GRM7: variants seen among roughly 807,000 people sequenced by gnomAD.
The protein encoded by GRM7 is metabotropic glutamate receptor 7.
In GRM7, 35 loss-of-function variants were observed where a neutral mutation model predicts 84.5. That is an observed-to-expected ratio of 0.41 (90% CI 0.32 to 0.55). The LOEUF is 0.55. GRM7 is among the 20% of genes least tolerant of loss of function. The pLI, the probability that GRM7 is intolerant of heterozygous loss-of-function variation, is 0.19. For synonymous variants in GRM7, 487 were observed against 455.1 expected, an observed-to-expected ratio of 1.07 and a Z score of -0.89; for missense variants, 1,003 against 1,194.6, an observed-to-expected ratio of 0.84 and a Z score of 2.36.
intron 1 of GRM7, among the ~76,000 whole-genome samples, chr3:7,058,570 T>C (rs933281278): frequency 6.6e-6 from 1 of 151,928 alleles, no homozygotes; most frequent in Non-Finnish European, 1.5e-5. Flanking sequence ...TATCATTGTG[T>C]TTTATTTATA....
intron 1 of GRM7, among the ~76,000 whole-genome samples, chr3:6,962,887 A>G (rs375151168): frequency 6.6e-6 from 1 of 152,244 alleles, no homozygotes; most frequent in East Asian, 1.9e-4. Flanking sequence ...TGCTGTAATC[A>G]TGTTACATTT....
rs33945077 is a variant in GRM7, at chr3:6,901,604, T to TAAAAAAAAAAA, written c.519+39720_519+39730dup. On this transcript the variant is annotated intron_variant, in intron 1 of 9. Transcript: ENST00000357716. ...CCTGGTGACAGAGCAAGACTCCGTC[T>TAAAAAAAAAAA]AAAAAAAAAAAAAAAAAAAAAAAAA... Among the ~76,000 whole-genome samples, 82 of 40,496 alleles carry TAAAAAAAAAAA rather than the reference T, an allele frequency of 2.0e-3. 7 individuals carry two copies. The highest frequency in any genetic ancestry group is 2.8e-3 in the South Asian group (2 of 702). The allele number at this position is 40,496 out of a possible 152,430, so 26.6% of individuals were successfully genotyped here.
rs1559334055 is a variant in GRM7 at position 6,928,404 on chromosome 3, G to A, written c.519+66497G>A. On this transcript the variant is annotated intron_variant, in intron 1 of 9. Coordinates refer to ENST00000357716, the MANE Select transcript of GRM7 (RefSeq NM_000844.4). This position sits in a 1 kb window ranked among gnomAD's most constrained non-coding sequence, Gnocchi z 4.5. ...ACACAGTGAATTTGCATTGATATTC[G>A]ATATAGGCATCATGGCATATGAGGA... Among the ~76,000 whole-genome samples the A allele has an allele frequency of 1.3e-5, 2 of 152,078 alleles. No individual in the cohort carries two copies. The highest frequency in any genetic ancestry group is 4.1e-4 in the South Asian group (2 of 4,828).
intron 2 of GRM7, among the ~76,000 whole-genome samples, chr3:7,198,347 T>G (rs1695950785): frequency 6.6e-6 from 1 of 152,112 alleles, no homozygotes; most frequent in South Asian, 2.1e-4. Context: ...TAATTTATAG[T>G]GATAGAATTC....
chr3:7,331,988 T>C (rs552896933), intron 4 of GRM7, among the ~76,000 whole-genome samples: 80 of 152,286 alleles, frequency 5.3e-4, no homozygotes, highest in Admixed American at 4.4e-3. Context: ...TGACTCAGAC[T>C]GTGATAGGAT....
In GRM7 at chr3:7,093,545, C is replaced by T. The variant is rs990899953; in HGVS notation, c.520-52907C>T. The stretch of plus-strand genomic sequence containing the variant: ...TACAAAAATTAGCTGGGCATGGTGA[C>T]GCATGCCTGTAATCCCACCTACTCG... On this transcript the variant is annotated intron_variant, in intron 1 of 9. Coordinates refer to ENST00000357716, the MANE Select transcript of GRM7 (RefSeq NM_000844.4). Among the ~76,000 whole-genome samples the T allele has an allele frequency of 7.9e-5, 12 of 151,014 alleles. 1 individual carries two copies. Among genetic ancestry groups the T allele is most frequent in the East Asian group, 3.9e-4 (2 of 5,120 alleles).
At chr3:7,667,535 T>G (rs1396033843) in intron 8 of GRM7, among the ~76,000 whole-genome samples, 1 of 152,168 alleles carries the variant, frequency 6.6e-6, no homozygotes, top group Non-Finnish European at 1.5e-5. Flanking sequence ...AAAAAATTCA[T>G]CCATCAATTT....
At chr3:6,935,812 C>T (rs1575035373) in intron 1 of GRM7, among the ~76,000 whole-genome samples, 2 of 152,042 alleles carry the variant, frequency 1.3e-5, no homozygotes, top group Middle Eastern at 3.4e-3. Context: ...TCTCCTGCCT[C>T]AGCCTCCCAA....
At chr3:7,671,007 C>T (rs1043133953) in intron 8 of GRM7, among the ~76,000 whole-genome samples, 2 of 152,130 alleles carry the variant, frequency 1.3e-5, no homozygotes, top group Non-Finnish European at 1.5e-5. Flanking sequence ...TTTTAGTGCT[C>T]TCAAACCAGC....
At chr3:7,139,861 C>A (rs1325300183) in intron 1 of GRM7, among the ~76,000 whole-genome samples, 2 of 151,914 alleles carry the variant, frequency 1.3e-5, no homozygotes, top group Non-Finnish European at 2.9e-5. Flanking sequence ...GCAAAGAAAA[C>A]AATCAATGAT....
intron 8 of GRM7, among the ~76,000 whole-genome samples, chr3:7,634,453 G>A (rs1446585290): frequency 1.6e-5 from 2 of 126,276 alleles, no homozygotes; most frequent in Non-Finnish European, 3.1e-5. Flanking sequence ...GTTGAATGAT[G>A]GAAATCCAAC....
At chr3:7,420,214 G>A (rs1197215651) in intron 5 of GRM7, among the ~76,000 whole-genome samples, 1 of 152,080 alleles carries the variant, frequency 6.6e-6, no homozygotes, top group African/African-American at 2.4e-5. Flanking sequence ...TCAAGACAAA[G>A]GAATTACGCT....
intron 5 of GRM7, among the ~76,000 whole-genome samples, chr3:7,418,772 C>T (rs1476801910): frequency 6.6e-6 from 1 of 152,100 alleles, no homozygotes; most frequent in Non-Finnish European, 1.5e-5. Context: ...ATCTTGGGGT[C>T]AGGAACATTA....
intron 2 of GRM7, among the ~76,000 whole-genome samples, chr3:7,209,871 G>C (rs1465698764): frequency 6.6e-6 from 1 of 152,154 alleles, no homozygotes; most frequent in African/African-American, 2.4e-5. Context: ...TGAGGATAAA[G>C]GATCAACGGT....
chr3:7,512,493 T>C (rs556936820), intron 7 of GRM7, among the ~76,000 whole-genome samples: 19 of 152,294 alleles, frequency 1.2e-4, no homozygotes, highest in African/African-American at 3.8e-4. Context: ...ATATTTTTTC[T>C]TCATTTTTGA....
intron 4 of GRM7, among the ~76,000 whole-genome samples, chr3:7,404,621 A>G (rs1192364827): frequency 6.6e-6 from 1 of 152,120 alleles, no homozygotes; most frequent in Admixed American, 6.6e-5. Flanking sequence ...CATGGTTGGC[A>G]GCAGGAGCAC....
chr3:7,521,247 TC>T (rs1700581587), intron 7 of GRM7, among the ~76,000 whole-genome samples: 1 of 152,194 alleles, frequency 6.6e-6, no homozygotes, highest in Admixed American at 6.5e-5. Flanking sequence ...CCTTCGATGT[TC>T]CCCTAGCCTT....
intron 4 of GRM7, among the ~76,000 whole-genome samples, chr3:7,373,535 C>A (rs1371370665): frequency 6.6e-6 from 1 of 152,170 alleles, no homozygotes; most frequent in African/African-American, 2.4e-5. Flanking sequence ...CACCAAGAAG[C>A]CAGTCCTCCA....
At chr3:7,054,159 T>A (rs1697121351) in intron 1 of GRM7, among the ~76,000 whole-genome samples, 1 of 150,764 alleles carries the variant, frequency 6.6e-6, no homozygotes, top group Admixed American at 6.6e-5. Flanking sequence ...TGAACTTATA[T>A]CATTTGCTAT....
Sources: allele counts gnomAD v4.1 joint callset (sites outside exome capture counted in the v4.1 genomes callset), GRCh38; gene constraint gnomAD v4.1.1; non-coding constraint Gnocchi (gnomAD v3.1); transcripts MANE v1.5; gene names NCBI Gene and HGNC (gene_info 2026-07-23, HGNC 2026-07-21).